Variants in SLC12A2 observed in about 807,000 individuals in gnomAD.
The protein encoded by SLC12A2 is Na-K-2Cl cotransporter 1.
In SLC12A2, 67 loss-of-function variants were observed where a neutral mutation model predicts 136.3. That is an observed-to-expected ratio of 0.49 (90% CI 0.40 to 0.60). SLC12A2 has a LOEUF of 0.60. Ranked by LOEUF, SLC12A2 falls within the 20% of genes least tolerant of loss-of-function variation. The probability of loss-of-function intolerance (pLI) is 0.00; values close to 1 mark genes in which losing one functional copy is unlikely to be tolerated. For synonymous variants in SLC12A2, 619 were observed against 562.9 expected, an observed-to-expected ratio of 1.10 and a Z score of -1.41; for missense variants, 1,322 against 1,534.7, an observed-to-expected ratio of 0.86 and a Z score of 2.32.
chr5:128,184,946 C>G (rs1426661721), intron 26 of SLC12A2, 90 bp downstream of exon 26: 1 of 1,106,038 alleles, frequency 9.0e-7, no homozygotes, highest in Admixed American at 1.9e-5. Flanking sequence ...CTATATAACA[C>G]CCATATTGAC....
Position 128,083,768 on chromosome 5 carries a change from A to C in SLC12A2, c.-187A>C. 1 of 382,214 alleles carries C rather than the reference A, an allele frequency of 2.6e-6. No homozygotes were observed. Among genetic ancestry groups the C allele is most frequent in the Non-Finnish European group, 4.5e-6 (1 of 223,034 alleles). The allele number at this position is 382,214 out of a possible 1,614,324, so 23.7% of individuals were successfully genotyped here. On this transcript the variant is annotated 5_prime_UTR_variant, in exon 1 of 27. Transcript: ENST00000262461. ...GCGGGGCCCGCCCCGCGCCCGCCAC[A>C]CTCGCGCGCTCGCTCGGCTGCCGGT...
At chr5:128,143,255 T>G (rs1298411222) in intron 10 of SLC12A2, among the ~76,000 whole-genome samples, 2 of 152,226 alleles carry the variant, frequency 1.3e-5, no homozygotes, top group Non-Finnish European at 2.9e-5. Flanking sequence ...GTTGTCTTCA[T>G]AATTGCTTTA....
At chr5:128,184,910 A>G (rs1763821002) in intron 26 of SLC12A2, 54 bp downstream of exon 26, 2 of 1,442,328 alleles carry the variant, frequency 1.4e-6, no homozygotes, top group African/African-American at 2.8e-5. Flanking sequence ...ATATGCTTTG[A>G]ATTAATTTCT....
intron 15 of SLC12A2, among the ~76,000 whole-genome samples, chr5:128,155,936 T>C (rs557564414): frequency 1.2e-4 from 18 of 152,254 alleles, no homozygotes; most frequent in South Asian, 1.0e-3. Flanking sequence ...GTTCAGTATA[T>C]ACATGTTCTT....
chr5:128,151,914 A>G (rs932025434), intron 14 of SLC12A2, among the ~76,000 whole-genome samples: 1 of 152,130 alleles, frequency 6.6e-6, no homozygotes, highest in South Asian at 2.1e-4. Flanking sequence ...TTAACTGAGT[A>G]ATGATTAATG....
At chr5:128,113,033 CTA>C in intron 2 of SLC12A2, 100 bp downstream of exon 2, 1 of 1,046,160 alleles carries the variant, frequency 9.6e-7, no homozygotes, top group South Asian at 2.3e-5. Flanking sequence ...CTTTTTTTCT[CTA>C]TGTTAACTGT....
intron 4 of SLC12A2, among the ~76,000 whole-genome samples, chr5:128,124,966 C>G (rs114650082): frequency 0.014 from 2,087 of 152,290 alleles, 51 homozygotes; most frequent in African/African-American, 0.048. Flanking sequence ...CTTTTCTCAC[C>G]TGATCAGTAA....
intron 1 of SLC12A2, among the ~76,000 whole-genome samples, chr5:128,086,195 G>C (rs1760093672): frequency 1.3e-5 from 2 of 152,276 alleles, no homozygotes; most frequent in Admixed American, 1.3e-4. Flanking sequence ...ACATCCAATT[G>C]AAAGGTATAT....
chr5:128,129,569 A>C (rs1316435213), intron 4 of SLC12A2, among the ~76,000 whole-genome samples: 1 of 152,100 alleles, frequency 6.6e-6, no homozygotes, highest in Non-Finnish European at 1.5e-5. Flanking sequence ...ATTGATAGGA[A>C]TCAACTAGAA....
intron 1 of SLC12A2, chr5:128,110,401 C>G (rs1761098662): frequency 9.7e-7 from 1 of 1,026,354 alleles, no homozygotes; most frequent in African/African-American, 1.6e-5. Flanking sequence ...AACTCCACAG[C>G]TGTCTTGAGA....
intron 1 of SLC12A2, chr5:128,110,378 C>G: frequency 1.0e-6 from 1 of 1,000,216 alleles, no homozygotes; most frequent in East Asian, 2.4e-5. Context: ...CGGGTCCTCC[C>G]TGGGAAAGCA....
At chr5:128,179,517 T>C (rs1168070880) in intron 22 of SLC12A2, among the ~76,000 whole-genome samples, 2 of 152,206 alleles carry the variant, frequency 1.3e-5, no homozygotes, top group Non-Finnish European at 2.9e-5. Context: ...CTGATGATTC[T>C]GCAGACCACA....
intron 1 of SLC12A2, among the ~76,000 whole-genome samples, chr5:128,099,071 C>T (rs1404846573): frequency 6.6e-6 from 1 of 152,096 alleles, no homozygotes; most frequent in Non-Finnish European, 1.5e-5. Flanking sequence ...GCTTCTTTTT[C>T]ATTTACTCTG....
chr5:128,129,204 T>C (rs1761924929), intron 4 of SLC12A2, among the ~76,000 whole-genome samples: 1 of 152,074 alleles, frequency 6.6e-6, no homozygotes, highest in Non-Finnish European at 1.5e-5. Flanking sequence ...AAAATCAGGA[T>C]ATACTTTGTT....
At chr5:128,161,856 A>T in intron 17 of SLC12A2, 56 bp downstream of exon 17, 1 of 1,169,904 alleles carries the variant, frequency 8.5e-7, no homozygotes, top group Non-Finnish European at 1.1e-6. Context: ...TAAGCTTTTT[A>T]AAACTTTTTA....
intron 20 of SLC12A2, 22 bp from the exon 21 acceptor site, chr5:128,177,083 G>T (rs1387889293): frequency 6.6e-7 from 1 of 1,508,064 alleles, no homozygotes; most frequent in Non-Finnish European, 9.0e-7. Context: ...ACATATTTTT[G>T]TGTTTTTTAA....
intron 19 of SLC12A2, among the ~76,000 whole-genome samples, chr5:128,174,117 A>G (rs1429602230): frequency 1.3e-5 from 2 of 152,136 alleles, no homozygotes; most frequent in Non-Finnish European, 2.9e-5. Flanking sequence ...ACTTGTACTC[A>G]TTACTGATTC....
At chr5:128,100,144 C>T (rs1316604147) in intron 1 of SLC12A2, among the ~76,000 whole-genome samples, 6 of 152,100 alleles carry the variant, frequency 3.9e-5, no homozygotes, top group African/African-American at 9.7e-5. Context: ...ATGGCTACCA[C>T]GTCAGTAGGA....
chr5:128,167,825 A>G lies in SLC12A2; in HGVS notation c.2681A>G (p.Gln894Arg), dbSNP rs367859726. 3 of 1,609,404 alleles carry G rather than the reference A, an allele frequency of 1.9e-6. No individual in the cohort carries two copies. Among genetic ancestry groups the G allele is most frequent in the Non-Finnish European group, 2.5e-6 (3 of 1,177,876 alleles). Residue 894 changes from glutamine (Q) to arginine (R), a missense_variant, in exon 18 of 27, where the codon CAA becomes CGA. Physicochemically the swap from Gln to Arg is conservative, Grantham distance 43. Coordinates refer to ENST00000262461, the MANE Select transcript of SLC12A2 (RefSeq NM_001046.3). Reference protein sequence around the residue: ...LVLGFKKDWLQADMRDVDMYI... With the variant: ...LVLGFKKDWLRADMRDVDMYI... ...CTTGGATTTAAGAAAGATTGGTTGC[A>G]AGCAGATATGAGGGATGTGGATATG...
Sources: gnomAD v4.1 joint callset for allele counts (sites outside exome capture counted in the v4.1 genomes callset) on GRCh38, gnomAD v4.1.1 for gene constraint, MANE v1.5 for transcripts, NCBI Gene and HGNC (gene_info 2026-07-23, HGNC 2026-07-21) for gene names.